Variants in TSNARE1 observed in about 807,000 individuals in gnomAD.
TSNARE1 encodes t-SNARE domain-containing protein 1.
In TSNARE1, 49 loss-of-function variants were observed where a neutral mutation model predicts 62.0. The ratio of observed to expected loss-of-function variants is 0.79; its 90% CI spans 0.63 to 1.00. The LOEUF is 1.00. Among genes scored for constraint, TSNARE1 ranks in the 50% least tolerant of loss-of-function variants. The pLI is 0.00. For missense variants in TSNARE1, 755 were observed against 700.1 expected, an observed-to-expected ratio of 1.08 and a Z score of -0.88; for synonymous variants, 328 against 294.4, an observed-to-expected ratio of 1.11 and a Z score of -1.17.
chr8:142,323,129 C>G (rs1410257170), intron 6 of TSNARE1, among the ~76,000 whole-genome samples: 1 of 152,184 alleles, frequency 6.6e-6, no homozygotes, highest in African/African-American at 2.4e-5. Context: ...AAAGGCCAGC[C>G]TAGCCATGTC....
In TSNARE1 at chr8:142,223,594, A is replaced by C. The variant is rs1190798775; in HGVS notation, c.*11+5879T>G. Among the ~76,000 whole-genome samples the C allele has an allele frequency of 2.1e-4, 16 of 75,230 alleles. 6 individuals are homozygous for C. The highest frequency in any genetic ancestry group is 0.017 in the Middle Eastern group (2 of 116). 49.4% of individuals were successfully genotyped at this position (75,230 alleles called of 152,430 possible). ...CACTAACTCATCCACTCACTCATTC[A>C]CTCACTCACTCATTTATCCACTCAC... On this transcript the variant is annotated intron_variant, in intron 13 of 13. Transcript: ENST00000524325.
chr8:142,383,440 CCAGA>C (rs1206932548), intron 1 of TSNARE1, among the ~76,000 whole-genome samples: 1 of 150,756 alleles, frequency 6.6e-6, no homozygotes, highest in Non-Finnish European at 1.5e-5. Context: ...AGTGCAAATG[CCAGA>C]CAGCCATCCT....
In TSNARE1 at chr8:142,382,133, G is replaced by A. The variant is rs1836805766; in HGVS notation, c.-40+20971C>T. Reference sequence around the variant, plus strand: ...GCCCCTGCGCATGGGCATCCGAGTGGCATGTGTGAGCGTGTGTGCTCATGT... The same window carrying A: ...GCCCCTGCGCATGGGCATCCGAGTGACATGTGTGAGCGTGTGTGCTCATGT... On this transcript the variant is annotated intron_variant, in intron 1 of 13. Coordinates refer to ENST00000524325, the MANE Select transcript of TSNARE1 (RefSeq NM_145003.5). 2.0e-5 allele frequency among the ~76,000 whole-genome samples: 3 copies of A among 152,306 alleles called. No individual in the cohort carries two copies. In the South Asian group the frequency reaches 6.2e-4, roughly 32 times the overall value.
At chr8:142,350,526 C>G (rs1040619479) in intron 2 of TSNARE1, among the ~76,000 whole-genome samples, 1 of 152,180 alleles carries the variant, frequency 6.6e-6, no homozygotes, top group Non-Finnish European at 1.5e-5. Flanking sequence ...CAGAAACATT[C>G]AAGGAATACA....
At chr8:142,223,165 C>CTCAGTCT (rs1816540219) in intron 13 of TSNARE1, among the ~76,000 whole-genome samples, 1 of 87,606 alleles carries the variant, frequency 1.1e-5, no homozygotes, top group Non-Finnish European at 2.3e-5. Flanking sequence ...CATTCACTCA[C>CTCAGTCT]TCACTCAAGT....
intron 12 of TSNARE1, among the ~76,000 whole-genome samples, chr8:142,230,498 A>G (rs191681441): frequency 1.2e-4 from 18 of 152,280 alleles, no homozygotes; most frequent in Admixed American, 7.8e-4. Flanking sequence ...GAAGCCAGAC[A>G]AGAGGATGGG....
chr8:142,365,346 T>C (rs971983934), intron 1 of TSNARE1, among the ~76,000 whole-genome samples: 1 of 152,222 alleles, frequency 6.6e-6, no homozygotes, highest in Admixed American at 6.5e-5. Flanking sequence ...AGACAATCAC[T>C]AAAACCAACA....
chr8:142,277,337 C>A, intron 11 of TSNARE1: 1 of 985,374 alleles, frequency 1.0e-6, no homozygotes, highest in South Asian at 4.7e-5. Context: ...AGCACACACA[C>A]CTCAAAGGAA....
At chr8:142,322,467 GT>G (rs1016890079) in intron 6 of TSNARE1, among the ~76,000 whole-genome samples, 1 of 152,200 alleles carries the variant, frequency 6.6e-6, no homozygotes, top group Non-Finnish European at 1.5e-5. Flanking sequence ...AAAATGAAGA[GT>G]AAAACTGTCT....
intron 1 of TSNARE1, 53 bp from the exon 2 acceptor site, chr8:142,354,816 G>T: frequency 9.0e-7 from 1 of 1,114,468 alleles, no homozygotes; most frequent in Non-Finnish European, 1.3e-6. Flanking sequence ...GGGGATTAAA[G>T]CTCCAATTCA....
In TSNARE1 at chr8:142,236,069, C is replaced by G. The variant is rs528679754; in HGVS notation, c.1447-6490G>C. ...CAAGGACTCCGCAGCCAGGCTCCAG[C>G]CACAGCCTCACCGCGTGGCCATGAG... On this transcript the variant is annotated intron_variant, in intron 12 of 13. Transcript: ENST00000524325. 2.1e-3 allele frequency among the ~76,000 whole-genome samples: 319 copies of G among 152,296 alleles called. 2 individuals carry two copies. The highest frequency in any genetic ancestry group is 3.4e-3 in the Non-Finnish European group (234 of 68,026).
At chr8:142,358,804 A>C (rs1834937859) in intron 1 of TSNARE1, among the ~76,000 whole-genome samples, 1 of 152,014 alleles carries the variant, frequency 6.6e-6, no homozygotes, top group Admixed American at 6.5e-5. Context: ...GGGAGACCAC[A>C]AGGGGCCATG....
chr8:142,269,492 T>C, intron 12 of TSNARE1: 1 of 985,436 alleles, frequency 1.0e-6, no homozygotes, highest in South Asian at 4.7e-5. Context: ...TATCTTTATT[T>C]ATTAAGCTTT....
intron 1 of TSNARE1, among the ~76,000 whole-genome samples, chr8:142,356,196 C>T (rs1311133734): frequency 2.6e-5 from 4 of 152,226 alleles, no homozygotes; most frequent in African/African-American, 7.2e-5. Context: ...TGGACTCACA[C>T]CTGCTGCTGG....
chr8:142,314,535 C>T (rs1828208919), intron 8 of TSNARE1, 95 bp from the exon 9 acceptor site: 13 of 1,100,180 alleles, frequency 1.2e-5, no homozygotes, highest in South Asian at 2.9e-5. Context: ...CTCTGGACGA[C>T]GGTGCAGCAA....
chr8:142,353,153 G>A (rs535177928), intron 2 of TSNARE1, among the ~76,000 whole-genome samples: 4 of 152,062 alleles, frequency 2.6e-5, no homozygotes, highest in Admixed American at 1.3e-4. Flanking sequence ...CCCCCTCCCC[G>A]AGGGCCCTCC....
At chr8:142,323,988 C>G (rs1429699344) in intron 6 of TSNARE1, among the ~76,000 whole-genome samples, 3 of 152,220 alleles carry the variant, frequency 2.0e-5, no homozygotes, top group Non-Finnish European at 2.9e-5. Context: ...GTGACCCTCA[C>G]CCGCCCTGGA....
chr8:142,333,721 C>T (rs191644059), intron 4 of TSNARE1, among the ~76,000 whole-genome samples: 1 of 152,332 alleles, frequency 6.6e-6, no homozygotes, highest in Admixed American at 6.5e-5. Flanking sequence ...CCTGGCTCCC[C>T]AGCAAGTCCT....
At chr8:142,353,764 C>A (rs13279639) in intron 2 of TSNARE1, among the ~76,000 whole-genome samples, 20,543 of 152,114 alleles carry the variant, frequency 0.14, 1,479 homozygotes, top group East Asian at 0.22. Flanking sequence ...GGAACCACCC[C>A]AGCAGAGAAG....
Sources: gnomAD v4.1 joint callset for allele counts (sites outside exome capture counted in the v4.1 genomes callset) on GRCh38, gnomAD v4.1.1 for gene constraint, MANE v1.5 for transcripts, NCBI Gene and HGNC (gene_info 2026-07-23, HGNC 2026-07-21) for gene names.